RNF130: variants seen among roughly 807,000 people sequenced by gnomAD.
RNF130 encodes ring finger protein 130, also known as E3 ubiquitin-protein ligase RNF130.
A neutral mutation model predicts 44.6 loss-of-function variants in RNF130; 21 were observed. The ratio of observed to expected loss-of-function variants is 0.47; its 90% CI spans 0.33 to 0.68. The LOEUF (loss-of-function observed/expected upper bound fraction) is 0.68, where lower values mean the gene tolerates loss of function less well. RNF130 is among the 30% of genes least tolerant of loss of function. The pLI, the probability that RNF130 is intolerant of heterozygous loss-of-function variation, is 0.02. For missense variants in RNF130, 479 were observed against 560.6 expected (o/e 0.85, Z 1.47); for synonymous variants, 214 against 210.4 (o/e 1.02, Z -0.15).
chr5:179,947,054 C>T (rs146862442), intron 7 of RNF130, among the ~76,000 whole-genome samples: 162 of 152,286 alleles, frequency 1.1e-3, no homozygotes, highest in Non-Finnish European at 1.8e-3. Context: ...TGCACACTGA[C>T]GCAACCCTAC....
At chr5:179,986,708 ATT>A (rs1561681519) in intron 3 of RNF130, among the ~76,000 whole-genome samples, 2 of 152,162 alleles carry the variant, frequency 1.3e-5, no homozygotes, top group African/African-American at 4.8e-5. Flanking sequence ...GGTGCCATGT[ATT>A]TGTTTTAATA....
chr5:180,016,888 G>A (rs576079663), intron 2 of RNF130, among the ~76,000 whole-genome samples: 5 of 152,140 alleles, frequency 3.3e-5, no homozygotes, highest in African/African-American at 9.6e-5. Context: ...ATACTTCCAC[G>A]GTCCCTCCTA....
intron 3 of RNF130, among the ~76,000 whole-genome samples, chr5:179,984,889 T>C (rs908577727): frequency 6.6e-6 from 1 of 152,182 alleles, no homozygotes. Flanking sequence ...CATTTTGCAT[T>C]TCAGAATTTT....
intron 3 of RNF130, among the ~76,000 whole-genome samples, chr5:179,990,211 A>G (rs1174690285): frequency 6.6e-6 from 1 of 152,188 alleles, no homozygotes; most frequent in Non-Finnish European, 1.5e-5. Context: ...TACAAAGTAA[A>G]AGGGGCAGGG....
chr5:179,980,849 G>C (rs1263706308), intron 3 of RNF130, among the ~76,000 whole-genome samples: 1 of 152,200 alleles, frequency 6.6e-6, no homozygotes, highest in Admixed American at 6.5e-5. Context: ...GACACTGCTA[G>C]CACTGCTTGG....
At chr5:180,061,759 G>A (rs1213271801) in intron 1 of RNF130, among the ~76,000 whole-genome samples, 2 of 152,182 alleles carry the variant, frequency 1.3e-5, no homozygotes, top group Admixed American at 1.3e-4. Flanking sequence ...AATTACATCT[G>A]CAGAGATCCT....
At chr5:179,951,104 A>T (rs975695071), downstream of RNF130, among the ~76,000 whole-genome samples, 1 of 152,210 alleles carries the variant, frequency 6.6e-6, no homozygotes, top group Non-Finnish European at 1.5e-5. Flanking sequence ...GGGCCACTGA[A>T]CCAGGGAATC....
At chr5:180,058,592 G>A (rs1039107486) in intron 1 of RNF130, among the ~76,000 whole-genome samples, 1 of 152,164 alleles carries the variant, frequency 6.6e-6, no homozygotes, top group African/African-American at 2.4e-5. Flanking sequence ...GTCTTGCTGT[G>A]TCGCCCAAGC....
At chr5:179,951,620 A>C (rs2113689707), downstream of RNF130, among the ~76,000 whole-genome samples, 3 of 152,290 alleles carry the variant, frequency 2.0e-5, no homozygotes, top group Middle Eastern at 0.01. Context: ...GAATATGTAC[A>C]TTCTTAAGTG....
chr5:179,983,120 G>A (rs1307027358), intron 3 of RNF130, among the ~76,000 whole-genome samples: 1 of 152,142 alleles, frequency 6.6e-6, no homozygotes, highest in Non-Finnish European at 1.5e-5. Flanking sequence ...CCTTTTGCAT[G>A]TATTTCCCCT....
intron 2 of RNF130, among the ~76,000 whole-genome samples, chr5:180,016,916 G>A (rs1263605935): frequency 6.6e-6 from 1 of 152,192 alleles, no homozygotes; most frequent in Non-Finnish European, 1.5e-5. Context: ...GGCTAGCTAC[G>A]TGGCCACAAT....
chr5:180,011,808 T>C (rs947655623), intron 3 of RNF130, among the ~76,000 whole-genome samples: 1 of 151,656 alleles, frequency 6.6e-6, no homozygotes, highest in Admixed American at 6.6e-5. Flanking sequence ...TATAGTTACA[T>C]AGAAAAGGAA....
chr5:179,933,880 G>A lies in RNF130; in HGVS notation c.1151-13454C>T, dbSNP rs1761848270. ...CTTCATGGTCCATGTTGCCAGCTGA[G>A]GTTGTTAGTAAAATGAATCCAAACT... On this transcript the variant is annotated intron_variant, in intron 7 of 7. Coordinates refer to the RNF130 transcript ENST00000522208. The A allele has an allele frequency of 4.1e-6, 3 of 734,396 alleles. No homozygotes were observed. In the East Asian group the frequency reaches 1.0e-4, roughly 24 times the overall value. 45.5% of individuals were successfully genotyped at this position (734,396 alleles called of 1,614,324 possible). A position where few individuals can be genotyped will look rare whatever the true frequency, so the allele number is the denominator to read the frequency against.
rs1328552994 is a variant in RNF130 at position 179,963,556 on chromosome 5, A to G, written c.1159T>C (p.Phe387Leu). Residue 387 changes from phenylalanine (F) to leucine (L), a missense_variant, in exon 8 of 9, where the codon TTT (phenylalanine) becomes CTT (leucine). Coordinates refer to ENST00000521389, the MANE Select transcript of RNF130 (RefSeq NM_018434.6). Reference protein sequence around the residue: ...EINIAVTKEWFIIASFGLLSA... With the variant: ...EINIAVTKEWLIIASFGLLSA... ...AGGAGGCCAAAACTGGCAATAATAAACCATTCTTCTGTTGACAAAGGAAAG... is the reference window on the plus strand; with the variant it reads ...AGGAGGCCAAAACTGGCAATAATAAGCCATTCTTCTGTTGACAAAGGAAAG... 1 of 1,611,884 alleles carries G rather than the reference A, an allele frequency of 6.2e-7. No homozygotes were observed. The highest frequency in any genetic ancestry group is 1.7e-5 in the Admixed American group (1 of 60,002).
At chr5:180,015,144 T>G (rs2113089950) in intron 2 of RNF130, among the ~76,000 whole-genome samples, 1 of 152,282 alleles carries the variant, frequency 6.6e-6, no homozygotes, top group Non-Finnish European at 1.5e-5. Flanking sequence ...ACTATAAAAT[T>G]AAAGCAAGCA....
intron 3 of RNF130, among the ~76,000 whole-genome samples, chr5:179,980,678 G>T (rs1182484004): frequency 1.3e-5 from 2 of 152,210 alleles, no homozygotes; most frequent in African/African-American, 4.8e-5. Context: ...CATCAAGTGT[G>T]AAGAGAAGGA....
intron 7 of RNF130, among the ~76,000 whole-genome samples, chr5:179,947,863 G>A (rs1762067458): frequency 6.6e-6 from 1 of 152,068 alleles, no homozygotes; most frequent in African/African-American, 2.4e-5. Context: ...TATACATACA[G>A]TATATCTATA....
chr5:179,947,125 C>G (rs892746026), intron 7 of RNF130, among the ~76,000 whole-genome samples: 1 of 152,214 alleles, frequency 6.6e-6, no homozygotes, highest in East Asian at 1.9e-4. Context: ...CTTCTCATCA[C>G]TGACACAACT....
intron 2 of RNF130, among the ~76,000 whole-genome samples, chr5:180,030,394 T>C (rs1485412688): frequency 6.6e-6 from 1 of 152,186 alleles, no homozygotes; most frequent in Non-Finnish European, 1.5e-5. Flanking sequence ...ATTTACATCC[T>C]ACAAGACTCA....
Sources: allele counts gnomAD v4.1 joint callset (sites outside exome capture counted in the v4.1 genomes callset), GRCh38; gene constraint gnomAD v4.1.1; transcripts MANE v1.5; gene names NCBI Gene and HGNC (gene_info 2026-07-23, HGNC 2026-07-21).